Variants in SLC16A7 observed in about 807,000 individuals in gnomAD.
SLC16A7 encodes the protein solute carrier family 16 member 7.
A neutral mutation model predicts 34.9 loss-of-function variants in SLC16A7; 33 were observed. The observed-to-expected ratio is 0.94, with a 90% CI of 0.72 to 1.26. The LOEUF (loss-of-function observed/expected upper bound fraction) is 1.26, where lower values mean the gene tolerates loss of function less well. SLC16A7 is among the 50% of genes most tolerant of loss of function. The pLI is 0.00. For missense variants in SLC16A7, 573 were observed against 578.1 expected, an observed-to-expected ratio of 0.99 and a Z score of 0.09; for synonymous variants, 201 against 206.6, an observed-to-expected ratio of 0.97 and a Z score of 0.23.
chr12:59,675,248 T>G (rs1411419161), intron 2 of SLC16A7, among the ~76,000 whole-genome samples: 1 of 152,222 alleles, frequency 6.6e-6, no homozygotes, highest in African/African-American at 2.4e-5. Context: ...GGGCTGAATC[T>G]TTGTGTACCC....
intron 1 of SLC16A7, among the ~76,000 whole-genome samples, chr12:59,609,516 A>G (rs1380624796): frequency 7.0e-6 from 1 of 142,612 alleles, no homozygotes; most frequent in Non-Finnish European, 1.5e-5. Context: ...GTCGGGGGGC[A>G]TAGGTAGATA....
chr12:59,771,770 T>G (rs942896122), intron 4 of SLC16A7, among the ~76,000 whole-genome samples: 1 of 152,234 alleles, frequency 6.6e-6, no homozygotes, highest in Non-Finnish European at 1.5e-5. Context: ...ACTCATAATA[T>G]GTTAAAACGA....
Position 59,774,732 on chromosome 12 carries a change from C to G in SLC16A7, c.437C>G (p.Ala146Gly), listed in dbSNP as rs781362305. ...GKYFYRKRPM[A>G]NGLAMAGSPV... Reference sequence around the variant, plus strand: ...TACTTCTATAGGAAGCGACCCATGGCAAATGGATTGGCCATGGCAGGAAGT... The same window carrying G: ...TACTTCTATAGGAAGCGACCCATGGGAAATGGATTGGCCATGGCAGGAAGT... Residue 146 changes from alanine (A) to glycine (G), a missense_variant, in exon 5 of 6, where the codon GCA (alanine) becomes GGA (glycine). Transcript: ENST00000547379. The G allele has an allele frequency of 6.2e-7, 1 of 1,613,748 alleles. No individual in the cohort carries two copies. The highest frequency in any genetic ancestry group is 1.7e-5 in the Admixed American group (1 of 59,968).
intron 2 of SLC16A7, among the ~76,000 whole-genome samples, chr12:59,686,095 CTTTTTTTTT>C (rs572779305): frequency 2.1e-5 from 2 of 93,524 alleles, no homozygotes; most frequent in Non-Finnish European, 4.2e-5. Context: ...AAGAACTTTT[CTTTTTTTTT>C]TTTTTTTTTT....
intron 3 of SLC16A7, among the ~76,000 whole-genome samples, chr12:59,742,000 G>T (rs145540702): frequency 1.3e-5 from 2 of 152,278 alleles, no homozygotes; most frequent in Admixed American, 6.5e-5. Flanking sequence ...ACACTTAAAA[G>T]AGATCCTAGC....
rs34708782 is a variant in SLC16A7, at chr12:59,624,738, TTGTGTGTGTGTG to T, written c.-130+28526_-130+28537del. 5.2e-4 allele frequency among the ~76,000 whole-genome samples: 75 copies of T among 145,368 alleles called. 7 individuals are homozygous for T. The South Asian group carries it at 7.9e-3, about 15-fold the overall frequency. On this transcript the variant is annotated intron_variant, in intron 1 of 5. Transcript: ENST00000547379. ...CAGACTTGTTTCTTTGCATTGTTAG[TTGTGTGTGTGTG>T]TGTGTGTGTGTGTGTGTGTGTGTCT...
intron 2 of SLC16A7, among the ~76,000 whole-genome samples, chr12:59,689,648 ATTC>A (rs1301253331): frequency 6.6e-6 from 1 of 151,926 alleles, no homozygotes; most frequent in Non-Finnish European, 1.5e-5. Context: ...TCAGAAAGGT[ATTC>A]TTTGGCCATG....
intron 3 of SLC16A7, among the ~76,000 whole-genome samples, chr12:59,755,071 A>G (rs182586444): frequency 0.12 from 18,646 of 152,206 alleles, 1,491 homozygotes; most frequent in African/African-American, 0.22. Flanking sequence ...TTCATGCTAA[A>G]AACTCTCAAT....
chr12:59,775,840 G>T (rs867792093), intron 5 of SLC16A7, among the ~76,000 whole-genome samples: 1 of 152,046 alleles, frequency 6.6e-6, no homozygotes, highest in African/African-American at 2.4e-5. Context: ...ATATTGAAAT[G>T]AGCCAAAATT....
intron 3 of SLC16A7, among the ~76,000 whole-genome samples, chr12:59,725,920 G>A (rs1384804720): frequency 1.3e-5 from 2 of 152,088 alleles, no homozygotes; most frequent in African/African-American, 4.8e-5. Context: ...ACTGTTTACA[G>A]CATAACATCT....
chr12:59,732,059 A>G (rs913375867), intron 3 of SLC16A7, among the ~76,000 whole-genome samples: 1 of 150,224 alleles, frequency 6.7e-6, no homozygotes, highest in African/African-American at 2.4e-5. Context: ...AGCTATGCAT[A>G]TATATTATAT....
intron 1 of SLC16A7, among the ~76,000 whole-genome samples, chr12:59,599,416 C>T (rs1171095935): frequency 6.6e-6 from 1 of 152,092 alleles, no homozygotes; most frequent in South Asian, 2.1e-4. Context: ...AAAATATTCT[C>T]TTTGGTTTGA....
chr12:59,672,707 G>A (rs1192086147), intron 2 of SLC16A7, among the ~76,000 whole-genome samples: 1 of 152,046 alleles, frequency 6.6e-6, no homozygotes, highest in East Asian at 1.9e-4. Flanking sequence ...TAAATTTACA[G>A]CAACATGTTG....
intron 1 of SLC16A7, among the ~76,000 whole-genome samples, chr12:59,629,374 A>C (rs990231021): frequency 6.6e-6 from 1 of 151,896 alleles, no homozygotes; most frequent in East Asian, 1.9e-4. Flanking sequence ...GAATCATTCA[A>C]TGTTTTCTCA....
chr12:59,677,729 A>C (rs1870423841), intron 2 of SLC16A7, among the ~76,000 whole-genome samples: 1 of 152,212 alleles, frequency 6.6e-6, no homozygotes, highest in African/African-American at 2.4e-5. Context: ...AACTAGCCAA[A>C]TCATTCCCTT....
rs910942218 is a variant in SLC16A7, at chr12:59,787,718, C to A, written c.*8039C>A. 2 of 152,142 alleles carry A rather than the reference C, an allele frequency of 1.3e-5. No homozygotes were observed. The highest frequency in any genetic ancestry group is 2.4e-5 in the African/African-American group (1 of 41,440). The allele number at this position is 152,142 out of a possible 1,614,324, so 9.4% of individuals were successfully genotyped here. On this transcript the variant is annotated 3_prime_UTR_variant, in exon 6 of 6. Transcript: ENST00000547379. ...GTAAACTCATGTATCGCAGTAAAAT[C>A]TTTTATGAATTGGGTGGGCCCTAAA...
intron 1 of SLC16A7, among the ~76,000 whole-genome samples, chr12:59,630,170 G>A (rs1165081867): frequency 2.6e-5 from 4 of 151,774 alleles, no homozygotes; most frequent in African/African-American, 9.7e-5. Flanking sequence ...CTCTGTTGTG[G>A]TCACTTTCCT....
chr12:59,757,976 G>A (rs368920280), intron 3 of SLC16A7, among the ~76,000 whole-genome samples: 43 of 151,996 alleles, frequency 2.8e-4, no homozygotes, highest in Admixed American at 7.2e-4. Flanking sequence ...AAGGCTATTA[G>A]TTTTTTAGCC....
intron 2 of SLC16A7, chr12:59,689,261 G>C (rs576483209): frequency 5.9e-5 from 9 of 152,076 alleles, no homozygotes; most frequent in African/African-American, 2.2e-4. Context: ...TTACTCAAGT[G>C]AGCTAGGGGA....
Sources: gnomAD v4.1 joint callset for allele counts (sites outside exome capture counted in the v4.1 genomes callset) on GRCh38, gnomAD v4.1.1 for gene constraint, MANE v1.5 for transcripts, NCBI Gene and HGNC (gene_info 2026-07-23, HGNC 2026-07-21) for gene names.